AGO4: variants seen among roughly 807,000 people sequenced by gnomAD.
AGO4 encodes protein argonaute-4.
Under a neutral mutation model 104.7 loss-of-function variants are expected in AGO4, and 33 were observed. The observed-to-expected ratio is 0.32, with a 90% CI of 0.24 to 0.42. AGO4 has a LOEUF of 0.42. AGO4 is among the 10% of genes least tolerant of loss of function. The probability of loss-of-function intolerance (pLI) is 1.00; values close to 1 mark genes in which losing one functional copy is unlikely to be tolerated. For missense variants in AGO4, 711 were observed against 1,083.4 expected, an observed-to-expected ratio of 0.66 and a Z score of 4.83; for synonymous variants, 331 against 364.7, an observed-to-expected ratio of 0.91 and a Z score of 1.05.
intron 12 of AGO4, among the ~76,000 whole-genome samples, chr1:35,834,926 G>A (rs1437671935): frequency 6.6e-6 from 1 of 151,862 alleles, no homozygotes; most frequent in African/African-American, 2.4e-5. Context: ...GAACTCCTGG[G>A]CTCAAGCCAT....
intron 3 of AGO4, among the ~76,000 whole-genome samples, chr1:35,823,446 G>A (rs1434539182): frequency 6.6e-6 from 1 of 151,348 alleles, no homozygotes; most frequent in Non-Finnish European, 1.5e-5. Context: ...TTCCTTGAGA[G>A]ACGGAGCCTT....
intron 10 of AGO4, 79 bp downstream of exon 10, chr1:35,832,264 C>G (rs1180873963): frequency 2.6e-6 from 4 of 1,566,642 alleles, no homozygotes; most frequent in Middle Eastern, 1.8e-4. Flanking sequence ...TCTACTCTGC[C>G]ACTGCTGAAT....
intron 15 of AGO4, among the ~76,000 whole-genome samples, chr1:35,842,449 C>T (rs989297767): frequency 2.0e-5 from 3 of 152,226 alleles, no homozygotes; most frequent in African/African-American, 7.2e-5. Context: ...CGCACTTAAA[C>T]CACAGTCAAA....
chr1:35,820,921 G>GTATTAT (rs537909930), intron 2 of AGO4, among the ~76,000 whole-genome samples: 3 of 151,948 alleles, frequency 2.0e-5, no homozygotes, highest in East Asian at 3.9e-4. Context: ...TTCAAGGGAA[G>GTATTAT]TATTATTATT....
intron 1 of AGO4, among the ~76,000 whole-genome samples, chr1:35,813,609 C>G (rs905817158): frequency 2.0e-5 from 3 of 151,400 alleles, no homozygotes; most frequent in African/African-American, 7.3e-5. Context: ...ACCAAAAATA[C>G]AAAAATTAGC....
intron 12 of AGO4, among the ~76,000 whole-genome samples, chr1:35,835,582 G>C (rs565480825): frequency 6.6e-6 from 1 of 152,220 alleles, no homozygotes; most frequent in South Asian, 2.1e-4. Context: ...AGGCAGCACA[G>C]AGAATAAAGG....
Position 35,841,292 on chromosome 1 carries a change from T to C in AGO4, c.1852T>C (p.Cys618Arg). 1 of 1,614,206 alleles carries C rather than the reference T, an allele frequency of 6.2e-7. No individual in the cohort carries two copies. The highest frequency in any genetic ancestry group is 1.3e-5 in the African/African-American group (1 of 75,062). The change falls in exon 14 of 18, where the codon TGT (cysteine) becomes CGT (arginine). Residue 618 changes from cysteine to arginine, a missense_variant. Coordinates refer to ENST00000373210, the MANE Select transcript of AGO4 (RefSeq NM_017629.4). This position sits in a 1 kb window ranked among gnomAD's most constrained non-coding sequence, Gnocchi z 4.7. ...TATGGATGGCCACCCCAGCCGGTAC[T>C]GTGCCACCGTTCGGGTGCAGACTTC... ...GSMDGHPSRY[C>R]ATVRVQTSRQ...
intron 2 of AGO4, among the ~76,000 whole-genome samples, chr1:35,818,649 GAAAGAAAGA>G (rs1557552149): frequency 3.1e-4 from 36 of 114,462 alleles, no homozygotes; most frequent in Non-Finnish European, 4.4e-4. Context: ...AAGAAAGAAA[GAAAGAAAGA>G]AAGGAAGAAA....
chr1:35,839,493 A>G (rs1376767498), intron 13 of AGO4, among the ~76,000 whole-genome samples: 2 of 152,056 alleles, frequency 1.3e-5, no homozygotes, highest in African/African-American at 4.8e-5. Context: ...TTATCCTCTT[A>G]TGTCTTATTT....
Position 35,826,849 on chromosome 1 carries a change from A to C in AGO4, c.848+14A>C, listed in dbSNP as rs1644033067. 1 of 1,609,210 alleles carries C rather than the reference A, an allele frequency of 6.2e-7. No homozygotes were observed. Among genetic ancestry groups the C allele is most frequent in the African/African-American group, 1.3e-5 (1 of 74,642 alleles). On this transcript the variant is annotated intron_variant, in intron 7 of 17. Coordinates refer to ENST00000373210, the MANE Select transcript of AGO4 (RefSeq NM_017629.4). Reference sequence around the variant, plus strand: ...CAGTCATCAAACGTATGTTAACCACATCTAAAGTAATACAATTACATTTTT... The same window carrying C: ...CAGTCATCAAACGTATGTTAACCACCTCTAAAGTAATACAATTACATTTTT...
chr1:35,841,808 G>C lies in AGO4; in HGVS notation c.2175+58G>C. 1 of 904,814 alleles carries C rather than the reference G, an allele frequency of 1.1e-6. No individual in the cohort carries two copies. The highest frequency in any genetic ancestry group is 1.8e-5 in the South Asian group (1 of 55,692). 56.0% of individuals were successfully genotyped at this position (904,814 alleles called of 1,614,324 possible). On this transcript the variant is annotated intron_variant, in intron 15 of 17. Coordinates refer to ENST00000373210, the MANE Select transcript of AGO4 (RefSeq NM_017629.4). The surrounding 1 kb of genome is among the most constrained non-coding windows in gnomAD (Gnocchi z 4.7). ...AGGCTCTGGCAAGAGATGTATATAT[G>C]CACATATATATATATATATATATAT...
At chr1:35,810,061 G>A (rs1024919269) in intron 1 of AGO4, among the ~76,000 whole-genome samples, 1 of 152,052 alleles carries the variant, frequency 6.6e-6, no homozygotes, top group Non-Finnish European at 1.5e-5. Context: ...AGCTTTTGCA[G>A]GTTTGAGGAC....
chr1:35,851,340 C>T, intron 17 of AGO4: 1 of 429,172 alleles, frequency 2.3e-6, no homozygotes, highest in South Asian at 2.4e-5. Flanking sequence ...CCTAAGTAGC[C>T]TCAAAAAGTG....
rs1491262087 is a variant in AGO4 at position 35,841,808 on chromosome 1, G to GCA, written c.2175+61_2175+62dup. 1.1e-6 allele frequency: 1 copy of GCA among 904,814 alleles called. No individual in the cohort carries two copies. Among genetic ancestry groups the GCA allele is most frequent in the Non-Finnish European group, 1.5e-6 (1 of 663,992 alleles). 56.0% of individuals were successfully genotyped at this position (904,814 alleles called of 1,614,324 possible). On this transcript the variant is annotated intron_variant, in intron 15 of 17. Coordinates refer to ENST00000373210, the MANE Select transcript of AGO4 (RefSeq NM_017629.4). The surrounding 1 kb of genome is among the most constrained non-coding windows in gnomAD (Gnocchi z 4.7). ...AGGCTCTGGCAAGAGATGTATATAT[G>GCA]CACATATATATATATATATATATAT...
chr1:35,820,188 A>C (rs1185783021), intron 2 of AGO4, among the ~76,000 whole-genome samples: 1 of 152,078 alleles, frequency 6.6e-6, no homozygotes, highest in Admixed American at 6.6e-5. Flanking sequence ...CCACTGGAGG[A>C]CGTCGATAAC....
intron 3 of AGO4, among the ~76,000 whole-genome samples, chr1:35,824,149 A>T (rs985665556): frequency 2.6e-5 from 4 of 152,134 alleles, no homozygotes; most frequent in South Asian, 2.1e-4. Context: ...TATTTTTTTT[A>T]AATTAGAAAA....
At chr1:35,809,104 A>G (rs1409310542) in intron 1 of AGO4, among the ~76,000 whole-genome samples, 2 of 152,152 alleles carry the variant, frequency 1.3e-5, no homozygotes, top group Non-Finnish European at 2.9e-5. Context: ...GCTCCACCAC[A>G]GGCTTCAATG....
At chr1:35,833,048 A>T (rs1317594450) in intron 11 of AGO4, among the ~76,000 whole-genome samples, 1 of 152,134 alleles carries the variant, frequency 6.6e-6, no homozygotes, top group Non-Finnish European at 1.5e-5. Flanking sequence ...TGGGAGGCCG[A>T]GGTGGGTGGA....
chr1:35,825,367 T>G lies in AGO4; in HGVS notation c.361T>G (p.Ser121Ala). The G allele has an allele frequency of 8.1e-6, 13 of 1,614,246 alleles. No homozygotes were observed. Among genetic ancestry groups the G allele is most frequent in the Non-Finnish European group, 1.1e-5 (13 of 1,180,050 alleles). ...GGGTAAAGACCAAACATTTAAAGTG[T>G]CTGTTCAGTGGGTGTCAGTTGTGAG... ...GEGKDQTFKVSVQWVSVVSLQ... is the reference protein window; with the variant it reads ...GEGKDQTFKVAVQWVSVVSLQ... Residue 121 changes from serine to alanine, a missense_variant, in exon 4 of 18, where the codon TCT becomes GCT. Transcript: ENST00000373210.
Sources: gnomAD v4.1 joint callset for allele counts (sites outside exome capture counted in the v4.1 genomes callset) on GRCh38, gnomAD v4.1.1 for gene constraint, Gnocchi (gnomAD v3.1) non-coding constraint, MANE v1.5 for transcripts, NCBI Gene and HGNC (gene_info 2026-07-23, HGNC 2026-07-21) for gene names.